FAM53A: variants seen among roughly 807,000 people sequenced by gnomAD.
The protein encoded by FAM53A is protein FAM53A.
In FAM53A, 28 loss-of-function variants were observed where a neutral mutation model predicts 26.6. That is an observed-to-expected ratio of 1.05 (90% CI 0.78 to 1.45). FAM53A has a LOEUF of 1.45. Among genes scored for constraint, FAM53A ranks in the 40% most tolerant of loss-of-function variants. The probability of loss-of-function intolerance (pLI) is 0.00; values close to 1 mark genes in which losing one functional copy is unlikely to be tolerated. For missense variants in FAM53A, 650 were observed against 575.8 expected, an observed-to-expected ratio of 1.13 and a Z score of -1.32; for synonymous variants, 290 against 253.1, an observed-to-expected ratio of 1.15 and a Z score of -1.38.
At chr4:1,598,672 A>G in the FAM53A span, among the ~76,000 whole-genome samples, 2 of 152,232 alleles carry the variant, frequency 1.3e-5, no homozygotes, top group African/African-American at 4.8e-5. Context: ...AGCCACTGAT[A>G]TATGTTACGA....
At chr4:1,606,786 G>T in the FAM53A span, among the ~76,000 whole-genome samples, 8 of 152,246 alleles carry the variant, frequency 5.3e-5, no homozygotes, top group Non-Finnish European at 1.0e-4. Flanking sequence ...CCCCCTAGCT[G>T]TCGGGGAAAG....
chr4:1,604,697 C>G, the FAM53A span, among the ~76,000 whole-genome samples: 47 of 152,240 alleles, frequency 3.1e-4, no homozygotes, highest in African/African-American at 1.1e-3. Context: ...CCTCTGGGGC[C>G]CTTCCCGGGA....
At chr4:1,585,277 T>A in the FAM53A span, among the ~76,000 whole-genome samples, 1 of 34,060 alleles carries the variant, frequency 2.9e-5, no homozygotes, top group Non-Finnish European at 6.4e-5. Flanking sequence ...TCTCTCTCTC[T>A]TTTTTTTTTT....
intron 4 of FAM53A, among the ~76,000 whole-genome samples, chr4:1,648,798 C>A (rs1207099590): frequency 6.6e-6 from 1 of 152,162 alleles, no homozygotes; most frequent in Non-Finnish European, 1.5e-5. Flanking sequence ...ACTGTTCTGG[C>A]TCATTAACAA....
At chr4:1,668,576 T>TTAG in intron 2 of FAM53A, 91 bp downstream of exon 2, 1 of 1,482,986 alleles carries the variant, frequency 6.7e-7, no homozygotes, top group South Asian at 1.2e-5. Flanking sequence ...CCCTGAGAAC[T>TTAG]TAGCCCTCAC....
chr4:1,650,961 G>A (rs1414762222), intron 4 of FAM53A, among the ~76,000 whole-genome samples: 5 of 150,968 alleles, frequency 3.3e-5, no homozygotes, highest in African/African-American at 9.7e-5. Flanking sequence ...GCTCACGCCT[G>A]TAATCCCAGC....
chr4:1,580,486 C>T, the FAM53A span, among the ~76,000 whole-genome samples: 1 of 152,058 alleles, frequency 6.6e-6, no homozygotes, highest in African/African-American at 2.4e-5. Context: ...ATCCCCGGCG[C>T]GGGGTGCACG....
the FAM53A span, among the ~76,000 whole-genome samples, chr4:1,574,865 C>A: frequency 1.3e-5 from 2 of 152,230 alleles, no homozygotes; most frequent in Non-Finnish European, 2.9e-5. Context: ...CCGGACGGAC[C>A]GGCTGCCCGA....
the FAM53A span, among the ~76,000 whole-genome samples, chr4:1,588,333 TC>T: frequency 1.3e-5 from 2 of 152,210 alleles, no homozygotes; most frequent in Non-Finnish European, 2.9e-5. Flanking sequence ...TCAGTGCCCT[TC>T]CCTTCAAGAG....
Position 1,668,666 on chromosome 4 carries a change from C to G in FAM53A, c.75+1G>C. 6.2e-7 allele frequency: 1 copy of G among 1,614,094 alleles called. No individual in the cohort carries two copies. Among genetic ancestry groups the G allele is most frequent in the Non-Finnish European group, 8.5e-7 (1 of 1,180,016 alleles). On this transcript the variant is annotated splice_donor_variant, in intron 2 of 4. Coordinates refer to ENST00000308132, the MANE Select transcript of FAM53A (RefSeq NM_001174070.3). LOFTEE classifies it high-confidence loss of function. The stretch of plus-strand genomic sequence containing the variant: ...GCCTGGTGCCACCTGCAGCTGCTTA[C>G]CGGGCCAGCCTCCGCCTTGCAGGTG...
intron 2 of FAM53A, among the ~76,000 whole-genome samples, chr4:1,661,015 G>T (rs1355885138): frequency 6.6e-6 from 1 of 151,918 alleles, no homozygotes; most frequent in African/African-American, 2.4e-5. Flanking sequence ...CAGGCCAGCG[G>T]CACAGTGAGC....
chr4:1,606,458 C>T, the FAM53A span, among the ~76,000 whole-genome samples: 1 of 152,136 alleles, frequency 6.6e-6, no homozygotes. Flanking sequence ...ATAGCCGAGA[C>T]CCGATGCCCT....
At chr4:1,624,473 C>T (rs918016909) in intron 1 of FAM53A, among the ~76,000 whole-genome samples, 8 of 152,154 alleles carry the variant, frequency 5.3e-5, no homozygotes, top group East Asian at 1.9e-4. Context: ...AGGAGTGAGA[C>T]GGAGAAAGGA....
At chr4:1,649,200 A>AAGGGGAAGGGGAAG in intron 4 of FAM53A, among the ~76,000 whole-genome samples, 1 of 95,970 alleles carries the variant, frequency 1.0e-5, no homozygotes, top group South Asian at 4.7e-4. Flanking sequence ...GGAAGGGGAA[A>AAGGGGAAGGGGAAG]GGGAAAGGGA....
At chr4:1,596,653 G>T in the FAM53A span, among the ~76,000 whole-genome samples, 2 of 152,312 alleles carry the variant, frequency 1.3e-5, no homozygotes, top group East Asian at 3.9e-4. Context: ...TCACTCACAC[G>T]GTGTCCGCCC....
chr4:1,676,932 T>G (rs1033993712), intron 1 of FAM53A, among the ~76,000 whole-genome samples: 4 of 152,204 alleles, frequency 2.6e-5, no homozygotes, highest in African/African-American at 9.6e-5. Flanking sequence ...CTGCCTAGTA[T>G]AAACTCTTGC....
the FAM53A span, among the ~76,000 whole-genome samples, chr4:1,575,756 G>A: frequency 5.3e-5 from 8 of 152,114 alleles, no homozygotes; most frequent in East Asian, 1.5e-3. Context: ...AGCAGGAGCT[G>A]GGGGCAGAAT....
At chr4:1,613,304 C>T (rs914278534), downstream of FAM53A, among the ~76,000 whole-genome samples, 1 of 152,216 alleles carries the variant, frequency 6.6e-6, no homozygotes, top group Non-Finnish European at 1.5e-5. Context: ...GGCTCCGCTC[C>T]CAATATGGCG....
chr4:1,590,875 T>C, the FAM53A span, among the ~76,000 whole-genome samples: 1 of 149,288 alleles, frequency 6.7e-6, no homozygotes, highest in African/African-American at 2.5e-5. Flanking sequence ...AAATTCTAAA[T>C]AACACAGTTT....
Sources: allele counts gnomAD v4.1 joint callset (sites outside exome capture counted in the v4.1 genomes callset), GRCh38; gene constraint gnomAD v4.1.1; transcripts MANE v1.5; gene names NCBI Gene and HGNC (gene_info 2026-07-23, HGNC 2026-07-21).